Variants in MRPL3 observed in about 807,000 individuals in gnomAD.
The protein encoded by MRPL3 is mitochondrial ribosomal protein L3, also known as large ribosomal subunit protein uL3m.
In MRPL3, 43 loss-of-function variants were observed where a neutral mutation model predicts 44.3. The ratio of observed to expected loss-of-function variants is 0.97; its 90% CI spans 0.76 to 1.25. The LOEUF is 1.25. MRPL3 is among the 50% of genes most tolerant of loss of function. The probability of loss-of-function intolerance (pLI) is 0.00; values close to 1 mark genes in which losing one functional copy is unlikely to be tolerated. For synonymous variants in MRPL3, 171 were observed against 152.3 expected (o/e 1.12, Z -0.91); for missense variants, 406 against 427.6 (o/e 0.95, Z 0.45).
In MRPL3 at chr3:131,469,684, T is replaced by G. The variant is rs2291382; in HGVS notation, c.816+12A>C. On this transcript the variant is annotated intron_variant, in intron 8 of 9. Coordinates refer to ENST00000264995, the MANE Select transcript of MRPL3 (RefSeq NM_007208.4). ...TTAGCTGTTCCTAAAAAGAACCACTTGTAACACTTACTTTCAGTCCATATT... is the reference window on the plus strand; with the variant it reads ...TTAGCTGTTCCTAAAAAGAACCACTGGTAACACTTACTTTCAGTCCATATT... 245,801 of 1,591,224 alleles carry G rather than the reference T, an allele frequency of 0.15. 21,091 individuals carry two copies. The highest frequency in any genetic ancestry group is 0.23 in the South Asian group (20,378 of 88,972).
chr3:131,473,830 G>C (rs1211348659), intron 6 of MRPL3, among the ~76,000 whole-genome samples: 1 of 152,016 alleles, frequency 6.6e-6, no homozygotes, highest in African/African-American at 2.4e-5. Context: ...CTAATTATCA[G>C]GGAAATGCAA....
intron 7 of MRPL3, 60 bp from the exon 8 acceptor site, chr3:131,469,833 CAAA>C: frequency 9.7e-7 from 1 of 1,033,492 alleles, no homozygotes; most frequent in Non-Finnish European, 1.5e-6. Flanking sequence ...CAGCACTGAT[CAAA>C]CCACAATGTA....
chr3:131,466,440 T>C (rs1933602352), intron 9 of MRPL3, among the ~76,000 whole-genome samples: 1 of 152,166 alleles, frequency 6.6e-6, no homozygotes, highest in African/African-American at 2.4e-5. Flanking sequence ...TTCTATTTTA[T>C]GGAAGTAAGT....
At chr3:131,501,324 A>T (rs1038361958) in intron 2 of MRPL3, among the ~76,000 whole-genome samples, 4 of 152,260 alleles carry the variant, frequency 2.6e-5, no homozygotes, top group African/African-American at 9.6e-5. Context: ...CAGCTTCTCA[A>T]GGAGGTCTTT....
At chr3:131,500,579 A>G (rs1244340012) in intron 2 of MRPL3, 58 bp from the exon 3 acceptor site, 3 of 1,427,348 alleles carry the variant, frequency 2.1e-6, no homozygotes, top group East Asian at 4.5e-5. Context: ...CACCAACATT[A>G]TGAAATCGTT....
chr3:131,493,066 T>C (rs1160206543), intron 4 of MRPL3, among the ~76,000 whole-genome samples: 1 of 152,114 alleles, frequency 6.6e-6, no homozygotes, highest in East Asian at 1.9e-4. Flanking sequence ...TGCTGTTCGC[T>C]CTCCCTCAAC....
intron 6 of MRPL3, among the ~76,000 whole-genome samples, chr3:131,482,074 T>A (rs1159679761): frequency 6.6e-6 from 1 of 152,204 alleles, no homozygotes; most frequent in Non-Finnish European, 1.5e-5. Flanking sequence ...TAAGAACCCA[T>A]GTTGACAGTT....
chr3:131,478,739 C>T (rs1025942360), intron 6 of MRPL3, among the ~76,000 whole-genome samples: 36 of 141,910 alleles, frequency 2.5e-4, no homozygotes, highest in African/African-American at 9.5e-4. Flanking sequence ...GACAGACTCT[C>T]GCTCTGTTTA....
chr3:131,474,327 T>C (rs1010213334), intron 6 of MRPL3, among the ~76,000 whole-genome samples: 7 of 152,150 alleles, frequency 4.6e-5, no homozygotes, highest in Non-Finnish European at 1.0e-4. Context: ...CACTTACATG[T>C]GGAATCTAAA....
chr3:131,489,644 T>G (rs554093845), intron 5 of MRPL3, among the ~76,000 whole-genome samples: 25 of 152,202 alleles, frequency 1.6e-4, no homozygotes, highest in African/African-American at 5.3e-4. Flanking sequence ...TTCTTCTACC[T>G]AAGCAAGAGC....
At chr3:131,491,184 A>G (rs1466346810) in intron 4 of MRPL3, among the ~76,000 whole-genome samples, 4 of 152,142 alleles carry the variant, frequency 2.6e-5, no homozygotes, top group Non-Finnish European at 5.9e-5. Context: ...CTCTCCTCCC[A>G]TTCTGTGAAC....
intron 2 of MRPL3, 96 bp from the exon 3 acceptor site, chr3:131,500,617 G>A (rs1037256932): frequency 5.3e-5 from 48 of 906,708 alleles, no homozygotes; most frequent in Non-Finnish European, 6.4e-5. Context: ...TCCGTATGAG[G>A]AGCAGGCACG....
chr3:131,497,941 T>C (rs917231337), intron 4 of MRPL3: 1 of 516,382 alleles, frequency 1.9e-6, no homozygotes, highest in Non-Finnish European at 3.4e-6. Flanking sequence ...ATACAAGCAC[T>C]ACAGCTTAGA....
At chr3:131,501,737 A>G (rs1228158070) in intron 1 of MRPL3, 22 bp from the exon 2 acceptor site, 1 of 1,594,712 alleles carries the variant, frequency 6.3e-7, no homozygotes. Flanking sequence ...AAAAATAAAT[A>G]AAACCAAACC....
chr3:131,481,013 G>C (rs773706113), intron 6 of MRPL3, among the ~76,000 whole-genome samples: 1 of 152,184 alleles, frequency 6.6e-6, no homozygotes, highest in Admixed American at 6.5e-5. Flanking sequence ...GAAACATCCA[G>C]CCACGCTTTC....
chr3:131,468,799 A>G (rs1010620312), intron 8 of MRPL3, among the ~76,000 whole-genome samples: 5 of 152,110 alleles, frequency 3.3e-5, no homozygotes, highest in Non-Finnish European at 5.9e-5. Context: ...AATGTAATAG[A>G]AGGGGTAAAA....
At position 131,489,971 on chromosome 3, in the gene MRPL3, C is replaced by T. The variant is rs769452697; in HGVS notation, c.568+10G>A. ...TTTTTACCTCCCTCCTCTCCCCAAC[C>T]TCAAATTACCTGGTTTAATTGCAGC... On this transcript the variant is annotated intron_variant, in intron 5 of 9. Coordinates refer to ENST00000264995, the MANE Select transcript of MRPL3 (RefSeq NM_007208.4). 1 of 1,572,012 alleles carries T rather than the reference C, an allele frequency of 6.4e-7. No individual in the cohort carries two copies. The highest frequency in any genetic ancestry group is 1.9e-4 in the Middle Eastern group (1 of 5,138).
At chr3:131,496,317 A>C (rs1377486751) in intron 4 of MRPL3, among the ~76,000 whole-genome samples, 1 of 152,224 alleles carries the variant, frequency 6.6e-6, no homozygotes, top group Non-Finnish European at 1.5e-5. Context: ...ATTACTATGG[A>C]GTTATATGAA....
At chr3:131,472,303 T>C (rs988622281) in intron 6 of MRPL3, among the ~76,000 whole-genome samples, 22 of 152,186 alleles carry the variant, frequency 1.4e-4, no homozygotes, top group Non-Finnish European at 3.1e-4. Flanking sequence ...TAACAATTTC[T>C]TACTAATCTA....
Sources: gnomAD v4.1 joint callset for allele counts (sites outside exome capture counted in the v4.1 genomes callset) on GRCh38, gnomAD v4.1.1 for gene constraint, MANE v1.5 for transcripts, NCBI Gene and HGNC (gene_info 2026-07-23, HGNC 2026-07-21) for gene names.